Variants in MEGF10 observed in about 807,000 individuals in gnomAD.
MEGF10 encodes the protein multiple EGF like domains 10.
A neutral mutation model predicts 147.5 loss-of-function variants in MEGF10; 86 were observed. The observed-to-expected ratio is 0.58, with a 90% CI of 0.49 to 0.70. The LOEUF is 0.70. Ranked by LOEUF, MEGF10 falls within the 30% of genes least tolerant of loss-of-function variation. The pLI is 0.00. For missense variants in MEGF10, 1,329 were observed against 1,487.3 expected (o/e 0.89, Z 1.75); for synonymous variants, 478 against 525.5 (o/e 0.91, Z 1.24).
intron 5 of MEGF10, among the ~76,000 whole-genome samples, chr5:127,383,296 GTATATAGCATTCCAT>G (rs1165489332): frequency 1.3e-5 from 2 of 151,976 alleles, no homozygotes; most frequent in Non-Finnish European, 2.9e-5. Context: ...CTATAAACTT[GTATATAGCATTCCAT>G]TATATTAGCA....
rs1460189560 is a variant in MEGF10, at chr5:127,339,126, A to G, written c.123A>G (p.Ser41=). ...TTTTTCCATTTCTTTTCAGCTACTC[A>G]GTGACTGTGCAAGAGTCATACCCAC... ...PNVCSHWESY[S]VTVQESYPHP... is the part of the protein sequence containing the mutation. The change falls in exon 3 of 25, where the codon TCA becomes TCG. Residue 41 remains serine, a synonymous_variant. Transcript: ENST00000503335. 1 of 1,596,326 alleles carries G rather than the reference A, an allele frequency of 6.3e-7. No individual in the cohort carries two copies. Among genetic ancestry groups the G allele is most frequent in the Non-Finnish European group, 8.6e-7 (1 of 1,166,848 alleles).
chr5:127,249,016 G>C, the MEGF10 span, among the ~76,000 whole-genome samples: 2 of 151,938 alleles, frequency 1.3e-5, no homozygotes, highest in African/African-American at 4.8e-5. Flanking sequence ...AGAACTATAG[G>C]AAGGAATGAA....
At chr5:127,289,125 G>A (rs1011184308), upstream of MEGF10, among the ~76,000 whole-genome samples, 1 of 152,266 alleles carries the variant, frequency 6.6e-6, no homozygotes, top group African/African-American at 2.4e-5. Flanking sequence ...TGATGGAATT[G>A]TTCATTATCT....
chr5:127,440,368 A>G (rs1765711156), intron 17 of MEGF10, among the ~76,000 whole-genome samples: 1 of 152,226 alleles, frequency 6.6e-6, no homozygotes, highest in Non-Finnish European at 1.5e-5. Flanking sequence ...TACCCGTCTC[A>G]GTCCATTGGA....
intron 4 of MEGF10, among the ~76,000 whole-genome samples, chr5:127,365,605 C>T (rs937702726): frequency 2.6e-5 from 4 of 152,226 alleles, no homozygotes; most frequent in Admixed American, 2.6e-4. Flanking sequence ...CTGTTCTTCT[C>T]ATCAGTGTCT....
rs1766450701 is a variant in MEGF10, at chr5:127,458,571, C to CT, written c.*1259dup. 6.6e-6 allele frequency: 1 copy of CT among 151,890 alleles called. No individual in the cohort carries two copies. Among genetic ancestry groups the CT allele is most frequent in the Non-Finnish European group, 1.5e-5 (1 of 67,968 alleles). 9.4% of individuals were successfully genotyped at this position (151,890 alleles called of 1,614,324 possible). ...TTTTGCTTGATAAAAATGCGTTGTT[C>CT]TTTTTTCTTTTGGAGGGACAAGATG... is the stretch of plus-strand genomic sequence containing the variant. On this transcript the variant is annotated 3_prime_UTR_variant, in exon 25 of 25. Coordinates refer to ENST00000503335, the MANE Select transcript of MEGF10 (RefSeq NM_001256545.2).
intron 12 of MEGF10, among the ~76,000 whole-genome samples, chr5:127,421,434 G>A (rs780054511): frequency 3.3e-5 from 5 of 152,152 alleles, no homozygotes; most frequent in Non-Finnish European, 5.9e-5. Flanking sequence ...TGGTAATTCT[G>A]TACCCCTGTT....
intron 1 of MEGF10, among the ~76,000 whole-genome samples, chr5:127,299,386 T>C (rs1347534352): frequency 6.6e-6 from 1 of 152,136 alleles, no homozygotes; most frequent in East Asian, 1.9e-4. Context: ...ATTGATAAGT[T>C]TGGACAGTTA....
chr5:127,432,736 G>A (rs1385136395), intron 13 of MEGF10, among the ~76,000 whole-genome samples: 1 of 152,032 alleles, frequency 6.6e-6, no homozygotes, highest in Non-Finnish European at 1.5e-5. Flanking sequence ...ACTGCATACA[G>A]TTTCATAATA....
rs567999474 is a variant in MEGF10, at chr5:127,445,402, C to T, written c.2492-55C>T. The T allele has an allele frequency of 1.5e-5, 21 of 1,385,582 alleles. No individual in the cohort carries two copies. In the South Asian group the frequency reaches 2.0e-4, roughly 13 times the overall value. 85.8% of individuals were successfully genotyped at this position (1,385,582 alleles called of 1,614,324 possible). A position where few individuals can be genotyped will look rare whatever the true frequency, so the allele number is the denominator to read the frequency against. On this transcript the variant is annotated intron_variant, in intron 19 of 24. Transcript: ENST00000503335. ...GAAGGAGGTTTTTGTAAGTAGAGATCAAACGTTTATCCAGCACATTGTCAT... is the reference window on the plus strand; with the variant it reads ...GAAGGAGGTTTTTGTAAGTAGAGATTAAACGTTTATCCAGCACATTGTCAT...
In MEGF10 at chr5:127,457,471, A is replaced by C. The variant is rs1358375632; in HGVS notation, c.*153A>C. On this transcript the variant is annotated 3_prime_UTR_variant, in exon 25 of 25. Coordinates refer to ENST00000503335, the MANE Select transcript of MEGF10 (RefSeq NM_001256545.2). Reference sequence around the variant, plus strand: ...CAGAAAGCTGAAAGCTGAGGCTGACACGGACTGTAGGTGCTTTTTGTTCAG... The same window carrying C: ...CAGAAAGCTGAAAGCTGAGGCTGACCCGGACTGTAGGTGCTTTTTGTTCAG... 2 of 777,258 alleles carry C rather than the reference A, an allele frequency of 2.6e-6. No homozygotes were observed. Among genetic ancestry groups the C allele is most frequent in the African/African-American group, 3.5e-5 (2 of 57,242 alleles). 48.1% of individuals were successfully genotyped at this position (777,258 alleles called of 1,614,324 possible).
chr5:127,317,539 G>A (rs2126753892), intron 1 of MEGF10, among the ~76,000 whole-genome samples: 1 of 152,220 alleles, frequency 6.6e-6, no homozygotes, highest in Middle Eastern at 3.4e-3. Flanking sequence ...AGAAAATGTG[G>A]CACGTACACA....
intron 1 of MEGF10, among the ~76,000 whole-genome samples, chr5:127,329,771 G>C (rs539450570): frequency 7.9e-5 from 12 of 151,944 alleles, no homozygotes; most frequent in Non-Finnish European, 1.3e-4. Context: ...TTAAGAAATG[G>C]ATCAGTGATT....
intron 5 of MEGF10, among the ~76,000 whole-genome samples, chr5:127,376,963 G>C (rs1316163194): frequency 6.6e-6 from 1 of 151,210 alleles, no homozygotes; most frequent in Non-Finnish European, 1.5e-5. Flanking sequence ...CAACAGTGAG[G>C]AGAATGAGAG....
chr5:127,419,088 T>C lies in MEGF10; in HGVS notation c.1306-32T>C, dbSNP rs770013324. On this transcript the variant is annotated intron_variant, in intron 10 of 24. Transcript: ENST00000503335. ...GTTGGCCTTATTTCAGTTGGCAAAA[T>C]TGAATGCATTTTGCTACTTGTGCCT... is the stretch of plus-strand genomic sequence containing the variant. The C allele has an allele frequency of 1.1e-5, 18 of 1,582,104 alleles. No homozygotes were observed. In the East Asian group the frequency reaches 2.3e-4, roughly 20 times the overall value.
intron 4 of MEGF10, among the ~76,000 whole-genome samples, chr5:127,361,214 A>T (rs770697153): frequency 2.6e-5 from 4 of 151,958 alleles, no homozygotes. Flanking sequence ...ACTATAATTT[A>T]ATTGCTTTAA....
intron 9 of MEGF10, 56 bp downstream of exon 9, chr5:127,410,657 T>C (rs1183803397): frequency 6.8e-7 from 1 of 1,476,222 alleles, no homozygotes; most frequent in Non-Finnish European, 9.2e-7. Flanking sequence ...AACCTTGGTT[T>C]TCAGGATTTG....
intron 8 of MEGF10, chr5:127,410,015 C>A (rs1764493081): frequency 5.7e-6 from 1 of 175,260 alleles, no homozygotes; most frequent in Non-Finnish European, 1.2e-5. Context: ...TTTGAAATTT[C>A]ATAATTATGG....
intron 1 of MEGF10, among the ~76,000 whole-genome samples, chr5:127,307,635 CA>C (rs1344536295): frequency 6.6e-6 from 1 of 152,150 alleles, no homozygotes; most frequent in African/African-American, 2.4e-5. Context: ...AGCATAGTCT[CA>C]AAATTTCACT....
Sources: allele counts gnomAD v4.1 joint callset (sites outside exome capture counted in the v4.1 genomes callset), GRCh38; gene constraint gnomAD v4.1.1; transcripts MANE v1.5; gene names NCBI Gene and HGNC (gene_info 2026-07-23, HGNC 2026-07-21).